ARFGEF3: variants seen among roughly 807,000 people sequenced by gnomAD.
ARFGEF3 encodes ARFGEF family member 3.
In ARFGEF3, 96 loss-of-function variants were observed where a neutral mutation model predicts 221.7. That is an observed-to-expected ratio of 0.43 (90% confidence interval 0.37 to 0.51). The LOEUF is 0.51. Ranked by LOEUF, ARFGEF3 falls within the 20% of genes least tolerant of loss-of-function variation. ARFGEF3 has a pLI of 0.00. For missense variants in ARFGEF3, 2,410 were observed against 2,789.9 expected, an observed-to-expected ratio of 0.86 and a Z score of 3.07; for synonymous variants, 1,145 against 1,126.8, an observed-to-expected ratio of 1.02 and a Z score of -0.32.
At chr6:138,306,942 A>G (rs892643113) in intron 22 of ARFGEF3, among the ~76,000 whole-genome samples, 8 of 148,378 alleles carry the variant, frequency 5.4e-5, no homozygotes, top group South Asian at 2.2e-4. Flanking sequence ...TTGGGAATAT[A>G]TAAGGAACTC....
intron 29 of ARFGEF3, among the ~76,000 whole-genome samples, chr6:138,321,675 G>A (rs1780029620): frequency 6.6e-6 from 1 of 152,184 alleles, no homozygotes; most frequent in Admixed American, 6.5e-5. Flanking sequence ...ACAGTTTGGA[G>A]GCTCTTCAAA....
rs552313564 is a variant in ARFGEF3 at position 138,162,078 on chromosome 6, A to T, written c.-9A>T. On this transcript the variant is annotated 5_prime_UTR_variant, in exon 1 of 34. Transcript: ENST00000251691. The surrounding 1 kb of genome is among the most constrained non-coding windows in gnomAD (Gnocchi z 4.7). ...CTGTGGGCGGCGGCCCGGCGCCTGG[A>T]AGGTCAAGATGGAAGAAATCCTGAG... 43 of 1,574,984 alleles carry T rather than the reference A, an allele frequency of 2.7e-5. 1 individual carries two copies. The South Asian group carries it at 4.5e-4, about 17-fold the overall frequency.
At position 138,292,006 on chromosome 6, in the gene ARFGEF3, G is replaced by T. The variant is rs576282820; in HGVS notation, c.3321G>T (p.Gly1107=). 2.0e-6 allele frequency: 3 copies of T among 1,529,406 alleles called. No homozygotes were observed. Among genetic ancestry groups the T allele is most frequent in the Non-Finnish European group, 2.6e-6 (3 of 1,143,628 alleles). 94.7% of individuals were successfully genotyped at this position (1,529,406 alleles called of 1,614,324 possible). Residue 1107 remains glycine, a synonymous_variant, in exon 19 of 34, where the codon GGG becomes GGT. Coordinates refer to ENST00000251691, the MANE Select transcript of ARFGEF3 (RefSeq NM_020340.5). The stretch of plus-strand genomic sequence containing the variant: ...TCCGCGGCGGGAGCCTCATGAGCGG[G>T]AGCAGCGCGGCCAAGGTGGTGCTCA... The part of the protein sequence containing the change: ...SDFRGGSLMS[G]SSAAKVVLTL...
intron 1 of ARFGEF3, among the ~76,000 whole-genome samples, chr6:138,164,335 G>C (rs1386987742): frequency 6.6e-6 from 1 of 152,190 alleles, no homozygotes; most frequent in African/African-American, 2.4e-5. Context: ...TCTAGTGGCA[G>C]TCAGCTGCAG....
At chr6:138,336,110 T>C (rs1780316669) in intron 33 of ARFGEF3, among the ~76,000 whole-genome samples, 185 bp from the exon 34 acceptor site, 1 of 152,180 alleles carries the variant, frequency 6.6e-6, no homozygotes, top group African/African-American at 2.4e-5. Flanking sequence ...GTATGTGAAG[T>C]TATGATGTAG....
At chr6:138,203,085 T>C (rs1040722208) in intron 2 of ARFGEF3, among the ~76,000 whole-genome samples, 1 of 152,150 alleles carries the variant, frequency 6.6e-6, no homozygotes, top group African/African-American at 2.4e-5. Context: ...GAGTCGAGGT[T>C]TGGGGACCTG....
At chr6:138,287,259 C>A in intron 17 of ARFGEF3, 75 bp downstream of exon 17, 2 of 1,076,400 alleles carry the variant, frequency 1.9e-6, no homozygotes, top group Non-Finnish European at 2.8e-6. Flanking sequence ...CCTACACACG[C>A]CAGCCAACAC....
chr6:138,279,552 C>T (rs1042563952), intron 13 of ARFGEF3, among the ~76,000 whole-genome samples: 2 of 152,234 alleles, frequency 1.3e-5, no homozygotes, highest in African/African-American at 4.8e-5. Flanking sequence ...AATCAATAAT[C>T]ATTTGCTTGC....
At chr6:138,271,761 C>T (rs1317759584) in intron 12 of ARFGEF3, among the ~76,000 whole-genome samples, 1 of 152,138 alleles carries the variant, frequency 6.6e-6, no homozygotes, top group African/African-American at 2.4e-5. Context: ...GTTGCCATGT[C>T]CCTTGTGTCT....
At position 138,336,588 on chromosome 6, in the gene ARFGEF3, C is replaced by T; in HGVS notation, c.*102C>T. On this transcript the variant is annotated 3_prime_UTR_variant, in exon 34 of 34. Coordinates refer to ENST00000251691, the MANE Select transcript of ARFGEF3 (RefSeq NM_020340.5). Reference sequence around the variant, plus strand: ...CCCACCACTAGCCCCACTTAAACTACTACTACTGTCTCAGAGAACAGTGTT... The same window carrying T: ...CCCACCACTAGCCCCACTTAAACTATTACTACTGTCTCAGAGAACAGTGTT... The T allele has an allele frequency of 1.1e-6, 1 of 898,496 alleles. No individual in the cohort carries two copies. The allele number at this position is 898,496 out of a possible 1,614,324, so 55.7% of individuals were successfully genotyped here.
intron 27 of ARFGEF3, among the ~76,000 whole-genome samples, chr6:138,319,076 C>T (rs1447698570): frequency 6.6e-6 from 1 of 151,816 alleles, no homozygotes; most frequent in East Asian, 1.9e-4. Flanking sequence ...ACCTCAGCCT[C>T]CCAAGTTGCC....
chr6:138,267,550 T>C (rs1778920974), intron 12 of ARFGEF3, among the ~76,000 whole-genome samples: 2 of 152,244 alleles, frequency 1.3e-5, no homozygotes, highest in South Asian at 4.1e-4. Flanking sequence ...GATGAATGAA[T>C]TGTCACAGTG....
chr6:138,279,867 C>T (rs562086944), intron 13 of ARFGEF3, 132 bp from the exon 14 acceptor site: 69 of 794,258 alleles, frequency 8.7e-5, no homozygotes, highest in East Asian at 4.1e-4. Context: ...CCCCACTTGC[C>T]GCCCCCTTAC....
chr6:138,282,108 C>A lies in ARFGEF3; in HGVS notation c.2461+1944C>A, dbSNP rs188546012. 7.2e-5 allele frequency among the ~76,000 whole-genome samples: 11 copies of A among 152,332 alleles called. No homozygotes were observed. The East Asian group carries it at 2.1e-3, about 29-fold the overall frequency. On this transcript the variant is annotated intron_variant, in intron 14 of 33. Coordinates refer to ENST00000251691, the MANE Select transcript of ARFGEF3 (RefSeq NM_020340.5). ...CAGCTGGAATTACAGGTGCCCACCA[C>A]CATGCCCGGCTAATTTTTGTATTTT...
At chr6:138,205,710 T>C (rs558346950) in intron 2 of ARFGEF3, among the ~76,000 whole-genome samples, 1 of 152,352 alleles carries the variant, frequency 6.6e-6, no homozygotes, top group African/African-American at 2.4e-5. Context: ...AGGATGAATC[T>C]AATGAAAAAT....
intron 2 of ARFGEF3, among the ~76,000 whole-genome samples, chr6:138,191,503 C>T (rs1378198369): frequency 6.6e-6 from 1 of 152,124 alleles, no homozygotes; most frequent in African/African-American, 2.4e-5. Flanking sequence ...CATTAATTCT[C>T]TCTACTCGCT....
At chr6:138,259,936 T>C (rs1488539887) in intron 10 of ARFGEF3, among the ~76,000 whole-genome samples, 1 of 152,112 alleles carries the variant, frequency 6.6e-6, no homozygotes, top group Non-Finnish European at 1.5e-5. Flanking sequence ...TTATCGAATT[T>C]ATTACCAGTG....
At chr6:138,331,916 C>T (rs377554364) in intron 32 of ARFGEF3, among the ~76,000 whole-genome samples, 1 of 152,052 alleles carries the variant, frequency 6.6e-6, no homozygotes, top group African/African-American at 2.4e-5. Context: ...CTTGTCACTG[C>T]GCCCTTTAAC....
Position 138,334,874 on chromosome 6 carries a change from G to T in ARFGEF3, c.6028G>T (p.Gly2010Trp). The T allele has an allele frequency of 6.3e-7, 1 of 1,590,996 alleles. No individual in the cohort carries two copies. Among genetic ancestry groups the T allele is most frequent in the East Asian group, 2.3e-5 (1 of 43,676 alleles). Residue 2010 changes from glycine to tryptophan, a missense_variant, in exon 33 of 34, where the codon GGG (glycine) becomes TGG (tryptophan). Gly to Trp is a radical substitution (Grantham distance 184). This residue lies in a region of ARFGEF3 where 339 missense variants were observed against 334.9 expected (regional missense o/e 1.01). Coordinates refer to ENST00000251691, the MANE Select transcript of ARFGEF3 (RefSeq NM_020340.5). This position sits in a 1 kb window ranked among gnomAD's most constrained non-coding sequence, Gnocchi z 5.1. Reference protein sequence around the residue: ...SRKKEWWENAGNKIYTMAADK... With the variant: ...SRKKEWWENAWNKIYTMAADK... ...GAAGAAGGAGTGGTGGGAGAATGCG[G>T]GGAACAAAATCTACACCATGGCAGC...
Sources: allele counts gnomAD v4.1 joint callset (sites outside exome capture counted in the v4.1 genomes callset), GRCh38; gene constraint gnomAD v4.1.1; regional missense constraint gnomAD v4.1.1; non-coding constraint Gnocchi (gnomAD v3.1); transcripts MANE v1.5; gene names NCBI Gene and HGNC (gene_info 2026-07-23, HGNC 2026-07-21).